RYR2: variants seen among roughly 807,000 people sequenced by gnomAD.
RYR2 encodes cardiac muscle ryanodine receptor-calcium release channel.
Under a neutral mutation model 601.1 loss-of-function variants are expected in RYR2, and 227 were observed. The observed-to-expected ratio is 0.38, with a 90% CI of 0.34 to 0.42. The LOEUF (loss-of-function observed/expected upper bound fraction) is 0.42, where lower values mean the gene tolerates loss of function less well. Among genes scored for constraint, RYR2 ranks in the 10% least tolerant of loss-of-function variants. RYR2 has a pLI of 1.00. For synonymous variants in RYR2, 2,223 were observed against 2,175.1 expected (o/e 1.02, Z -0.61); for missense variants, 4,646 against 6,156.5 (o/e 0.75, Z 8.21).
intron 96 of RYR2, among the ~76,000 whole-genome samples, chr1:237,796,943 C>A (rs534009059): frequency 2.9e-4 from 44 of 152,172 alleles, no homozygotes; most frequent in African/African-American, 1.0e-3. Context: ...TACCACCATG[C>A]CTGGCTAATT....
At chr1:237,399,046 T>C (rs1703108117) in intron 10 of RYR2, among the ~76,000 whole-genome samples, 1 of 151,852 alleles carries the variant, frequency 6.6e-6, no homozygotes, top group African/African-American at 2.4e-5. Context: ...ATGCAAAAAA[T>C]TAGCTGGGCA....
At chr1:237,653,629 T>G (rs1328180083) in intron 51 of RYR2, among the ~76,000 whole-genome samples, 1 of 152,070 alleles carries the variant, frequency 6.6e-6, no homozygotes, top group African/African-American at 2.4e-5. Context: ...GAAGGGGAGT[T>G]TATTAAGGAG....
chr1:237,356,630 C>G lies in RYR2; in HGVS notation c.294+645C>G, dbSNP rs573058558. Among the ~76,000 whole-genome samples the G allele has an allele frequency of 6.3e-4, 96 of 152,050 alleles. No individual in the cohort carries two copies. The Middle Eastern group carries it at 0.01, about 16-fold the overall frequency. On this transcript the variant is annotated intron_variant, in intron 4 of 104. Coordinates refer to ENST00000366574, the MANE Select transcript of RYR2 (RefSeq NM_001035.3). ...AAACGCAGTTACAGGATTCTGGAGGCTAATTCTTAGAGCCCACATTGTCAC... is the reference window on the plus strand; with the variant it reads ...AAACGCAGTTACAGGATTCTGGAGGGTAATTCTTAGAGCCCACATTGTCAC...
chr1:237,529,303 T>G (rs1558974438), intron 24 of RYR2, among the ~76,000 whole-genome samples: 1 of 152,206 alleles, frequency 6.6e-6, no homozygotes, highest in Non-Finnish European at 1.5e-5. Flanking sequence ...CCCATAGTTT[T>G]GCAATTTAAC....
intron 63 of RYR2, among the ~76,000 whole-genome samples, chr1:237,694,962 A>G (rs1400882605): frequency 6.6e-6 from 1 of 152,318 alleles, no homozygotes; most frequent in East Asian, 1.9e-4. Flanking sequence ...AGAAAAGAAT[A>G]CAATATTAGA....
At chr1:237,224,248 A>T (rs1331970223) in intron 1 of RYR2, among the ~76,000 whole-genome samples, 2 of 152,244 alleles carry the variant, frequency 1.3e-5, no homozygotes, top group Non-Finnish European at 2.9e-5. Flanking sequence ...GTATCAAGAA[A>T]AAATAAGGAT....
intron 95 of RYR2, 80 bp from the exon 96 acceptor site, chr1:237,795,209 A>T (rs1658956029): frequency 1.5e-6 from 1 of 664,502 alleles, no homozygotes; most frequent in African/African-American, 1.9e-5. Flanking sequence ...TATTTTAAGT[A>T]TGCCATATAT....
chr1:237,469,369 G>A (rs1390933400), intron 17 of RYR2, among the ~76,000 whole-genome samples, 182 bp downstream of exon 17: 1 of 150,994 alleles, frequency 6.6e-6, no homozygotes, highest in Non-Finnish European at 1.5e-5. Flanking sequence ...GGAGTTTGAG[G>A]CTGTAGTGCA....
chr1:237,685,609 G>A (rs986586714), intron 62 of RYR2, among the ~76,000 whole-genome samples: 4 of 152,158 alleles, frequency 2.6e-5, no homozygotes, highest in African/African-American at 9.7e-5. Context: ...GGAGTACAGG[G>A]ATCCAAAGTA....
chr1:237,638,548 T>C, intron 45 of RYR2, 56 bp downstream of exon 45: 1 of 1,563,532 alleles, frequency 6.4e-7, no homozygotes, highest in South Asian at 1.1e-5. Flanking sequence ...CATAGAGATA[T>C]AATAAGGATT....
rs753382819 is a variant in RYR2, at chr1:237,792,142, C to T, written c.13601C>T (p.Pro4534Leu). 6.2e-7 allele frequency: 1 copy of T among 1,607,274 alleles called. No individual in the cohort carries two copies. The highest frequency in any genetic ancestry group is 8.5e-7 in the Non-Finnish European group (1 of 1,176,804). ...TSSVVEGKEL[P>L]TRSSSENAKV... The stretch of plus-strand genomic sequence containing the variant: ...TCTGTGGTTGAAGGAAAGGAGCTCC[C>T]CACGAGAAGTTCAAGTGAAAATGCC... The change falls in exon 94 of 105, where the codon CCC becomes CTC. Residue 4534 changes from proline to leucine, a missense_variant. Around this residue, in one of 17 missense-constraint regions of RYR2, gnomAD observed 364 missense variants for 442.9 expected, o/e 0.82. Coordinates refer to ENST00000366574, the MANE Select transcript of RYR2 (RefSeq NM_001035.3).
In RYR2 at chr1:237,282,330, A is replaced by T. The variant is rs145720130; in HGVS notation, c.168+11714A>T. Among the ~76,000 whole-genome samples, 135 of 152,000 alleles carry T rather than the reference A, an allele frequency of 8.9e-4. 1 individual carries two copies. The East Asian group carries it at 0.024, about 27-fold the overall frequency. On this transcript the variant is annotated intron_variant, in intron 2 of 104. Coordinates refer to ENST00000366574, the MANE Select transcript of RYR2 (RefSeq NM_001035.3). ...GATGAACATGGCTGTGTTCCAAAAA[A>T]CCTGTACTTACGGGCACTGAAAATT...
chr1:237,424,779 A>T (rs765163628), intron 12 of RYR2, among the ~76,000 whole-genome samples: 2 of 152,196 alleles, frequency 1.3e-5, no homozygotes, highest in Non-Finnish European at 2.9e-5. Context: ...TATTAATCTT[A>T]TAATGGTGTC....
chr1:237,504,691 A>G (rs542069012), intron 22 of RYR2, among the ~76,000 whole-genome samples: 3 of 152,328 alleles, frequency 2.0e-5, no homozygotes, highest in South Asian at 4.1e-4. Flanking sequence ...AGATGATTTA[A>G]TATCTGGGGT....
At chr1:237,061,211 T>TTCTATCTATCTACCTATCTATCTA (rs1553275425) in intron 1 of RYR2, among the ~76,000 whole-genome samples, 2 of 104,200 alleles carry the variant, frequency 1.9e-5, no homozygotes, top group African/African-American at 6.8e-5. Context: ...AATACGGTTG[T>TTCTATCTATCTACCTATCTATCTA]TCTATCTATC....
intron 50 of RYR2, 96 bp from the exon 51 acceptor site, chr1:237,651,315 A>C (rs1021857022): frequency 1.2e-6 from 1 of 822,558 alleles, no homozygotes; most frequent in African/African-American, 1.7e-5. Context: ...TGAGGTATAG[A>C]TTCAGGTCCT....
chr1:237,520,572 T>C (rs1426961275), intron 24 of RYR2, among the ~76,000 whole-genome samples: 1 of 152,210 alleles, frequency 6.6e-6, no homozygotes, highest in Non-Finnish European at 1.5e-5. Flanking sequence ...CATATGGTAT[T>C]TGTTGTTGGT....
chr1:237,309,218 G>A (rs1375494673), intron 2 of RYR2, among the ~76,000 whole-genome samples: 1 of 135,082 alleles, frequency 7.4e-6, no homozygotes, highest in East Asian at 2.2e-4. Flanking sequence ...TGATTGGTGT[G>A]TTTACAAACC....
chr1:237,272,869 T>G (rs1278860734), intron 2 of RYR2, among the ~76,000 whole-genome samples: 1 of 152,072 alleles, frequency 6.6e-6, no homozygotes, highest in East Asian at 1.9e-4. Flanking sequence ...AAACTAATTT[T>G]AGACCTGGAG....
Sources: gnomAD v4.1 joint callset for allele counts (sites outside exome capture counted in the v4.1 genomes callset) on GRCh38, gnomAD v4.1.1 for gene constraint, gnomAD v4.1.1 regional missense constraint, MANE v1.5 for transcripts, NCBI Gene and HGNC (gene_info 2026-07-23, HGNC 2026-07-21) for gene names.